The following OTOGL variants were observed in gnomAD, a reference collection of about 807,000 sequenced individuals.
OTOGL encodes the protein otogelin-like protein.
Under a neutral mutation model 318.5 loss-of-function variants are expected in OTOGL, and 285 were observed. The ratio of observed to expected loss-of-function variants is 0.89; its 90% CI spans 0.81 to 0.99. The LOEUF is 0.99. Among genes scored for constraint, OTOGL ranks in the 50% least tolerant of loss-of-function variants. The pLI is 0.00. For synonymous variants in OTOGL, 987 were observed against 936.5 expected (o/e 1.05, Z -0.99); for missense variants, 2,899 against 2,845.6 (o/e 1.02, Z -0.43).
At chr12:80,300,661 C>T (rs963904444) in intron 27 of OTOGL, among the ~76,000 whole-genome samples, 4 of 152,250 alleles carry the variant, frequency 2.6e-5, no homozygotes, top group Non-Finnish European at 5.9e-5. Flanking sequence ...CCAATCTGGC[C>T]CATCTTGAGG....
chr12:80,317,028 A>T (rs1887015053), intron 32 of OTOGL, among the ~76,000 whole-genome samples: 1 of 152,190 alleles, frequency 6.6e-6, no homozygotes, highest in African/African-American at 2.4e-5. Context: ...GTTATTGCTG[A>T]GATTATTTCA....
In OTOGL at chr12:80,103,134, A is replaced by G; in HGVS notation, c.-20+3529A>G. ...CCTGTAAACCTGGACCACTTTGCCA[A>G]TTTGCTGACCTTCGTAGTGTCCTCG... On this transcript the variant is annotated intron_variant, in intron 1 of 58. Coordinates refer to ENST00000547103, the MANE Select transcript of OTOGL (RefSeq NM_001378609.3). 7.8e-6 allele frequency: 9 copies of G among 1,157,910 alleles called. No homozygotes were observed. In the Admixed American group the frequency reaches 1.3e-4, roughly 17 times the overall value. The allele number at this position is 1,157,910 out of a possible 1,614,324, so 71.7% of individuals were successfully genotyped here. A position where few individuals can be genotyped will look rare whatever the true frequency, so the allele number is the denominator to read the frequency against.
At chr12:80,149,380 AG>A (rs1872621593) in intron 1 of OTOGL, among the ~76,000 whole-genome samples, 1 of 140,974 alleles carries the variant, frequency 7.1e-6, no homozygotes. Flanking sequence ...GTCGGGGGCC[AG>A]GGGTCAGGGG....
intron 1 of OTOGL, among the ~76,000 whole-genome samples, chr12:80,186,240 T>C (rs1169402789): frequency 6.6e-6 from 1 of 152,236 alleles, no homozygotes; most frequent in Non-Finnish European, 1.5e-5. Flanking sequence ...CTCTACCATA[T>C]GCCCAGGTCT....
chr12:80,271,729 A>G lies in OTOGL; in HGVS notation c.2600A>G (p.Glu867Gly). 1.2e-6 allele frequency: 2 copies of G among 1,613,090 alleles called. No homozygotes were observed. Among genetic ancestry groups the G allele is most frequent in the Non-Finnish European group, 1.7e-6 (2 of 1,179,410 alleles). Reference sequence around the variant, plus strand: ...TTACCAGCTGGTGGTGTTAATTGTGAGACTACATGTGCAAACCTAGCCATG... The same window carrying G: ...TTACCAGCTGGTGGTGTTAATTGTGGGACTACATGTGCAAACCTAGCCATG... ...PELPAGGVNC[E>G]TTCANLAMNF... The change falls in exon 24 of 59, where the codon GAG (glutamate) becomes GGG (glycine). Residue 867 changes from glutamate (E) to glycine (G), a missense_variant. By Grantham distance (98) the Glu-to-Gly change is moderately conservative. Around this residue, in one of 3 missense-constraint regions of OTOGL, gnomAD observed 2,607 missense variants for 2,524.9 expected, o/e 1.03. Transcript: ENST00000547103.
chr12:80,273,288 C>A (rs532419913), intron 24 of OTOGL, among the ~76,000 whole-genome samples: 1 of 152,186 alleles, frequency 6.6e-6, no homozygotes, highest in South Asian at 2.1e-4. Flanking sequence ...GCCCTGTCTT[C>A]TATGTGACCT....
At chr12:80,315,429 A>G (rs2137810368) in intron 32 of OTOGL, among the ~76,000 whole-genome samples, 1 of 152,308 alleles carries the variant, frequency 6.6e-6, no homozygotes, top group South Asian at 2.1e-4. Flanking sequence ...GAGACAGAGA[A>G]TTACATTTTT....
chr12:80,130,725 G>A (rs1420764327), intron 1 of OTOGL, among the ~76,000 whole-genome samples: 1 of 152,172 alleles, frequency 6.6e-6, no homozygotes, highest in East Asian at 1.9e-4. Flanking sequence ...TTTCTAGGCT[G>A]ATTTGCCAGA....
Position 80,366,620 on chromosome 12 carries a change from G to A in OTOGL, c.6314G>A (p.Cys2105Tyr), listed in dbSNP as rs1271187505. ...CATAACTTCCAGAGTGATTGTGGAT[G>A]CATACAGTATCTCTGTGGTAACTAT... is the stretch of plus-strand genomic sequence containing the variant. ...IDHNFQSDCG[C>Y]IQYLCEKDDV... The change falls in exon 53 of 59, where the codon TGC (cysteine) becomes TAC (tyrosine). Residue 2105 changes from cysteine (C) to tyrosine (Y), a missense_variant. Around this residue, in one of 3 missense-constraint regions of OTOGL, gnomAD observed 289 missense variants for 304.6 expected, o/e 0.95. Coordinates refer to ENST00000547103, the MANE Select transcript of OTOGL (RefSeq NM_001378609.3). 1.4e-6 allele frequency: 2 copies of A among 1,418,566 alleles called. No individual in the cohort carries two copies. The highest frequency in any genetic ancestry group is 1.6e-5 in the South Asian group (1 of 60,766). 87.9% of individuals were successfully genotyped at this position (1,418,566 alleles called of 1,614,324 possible).
chr12:80,322,203 A>G (rs1338244837), intron 34 of OTOGL, among the ~76,000 whole-genome samples: 3 of 152,152 alleles, frequency 2.0e-5, no homozygotes, highest in African/African-American at 7.2e-5. Context: ...TGCTCTTGAG[A>G]AAAGGAACCA....
intron 1 of OTOGL, among the ~76,000 whole-genome samples, chr12:80,180,666 C>A (rs973931469): frequency 2.6e-5 from 4 of 152,158 alleles, no homozygotes; most frequent in Non-Finnish European, 5.9e-5. Flanking sequence ...TCCAAAAGAC[C>A]TAAAAGGTGT....
intron 1 of OTOGL, among the ~76,000 whole-genome samples, chr12:80,193,127 G>A (rs1426398610): frequency 3.3e-5 from 5 of 152,128 alleles, no homozygotes; most frequent in African/African-American, 1.2e-4. Flanking sequence ...TGGAGCAGCA[G>A]GCTTTTTCTT....
chr12:80,278,249 A>G lies in OTOGL; in HGVS notation c.2763A>G (p.Glu921=). Residue 921 remains glutamate (E), a synonymous_variant, in exon 25 of 59, where the codon GAA becomes GAG. Transcript: ENST00000547103. The part of the protein sequence containing the change: ...IWKDWEYLSG[E]VIATPCYTCV... ...AAGATTGGGAGTATCTCTCAGGAGA[A>G]GTGATTGCTACACCGTGTTACACCT... The G allele has an allele frequency of 6.5e-7, 1 of 1,544,518 alleles. No homozygotes were observed. Among genetic ancestry groups the G allele is most frequent in the Non-Finnish European group, 8.8e-7 (1 of 1,142,168 alleles).
At chr12:80,303,293 C>T (rs1209518244) in intron 28 of OTOGL, among the ~76,000 whole-genome samples, 1 of 152,098 alleles carries the variant, frequency 6.6e-6, no homozygotes, top group Non-Finnish European at 1.5e-5. Context: ...GTAGCTGGGA[C>T]TACAGGCGCC....
At chr12:80,167,286 A>G (rs1285455100) in intron 1 of OTOGL, among the ~76,000 whole-genome samples, 3 of 152,114 alleles carry the variant, frequency 2.0e-5, no homozygotes, top group African/African-American at 7.2e-5. Context: ...TTCTCCAAAG[A>G]CAGTTGAGGG....
chr12:80,358,746 CT>C lies in OTOGL; in HGVS notation c.6198del (p.Gly2067ValfsTer29). 6.2e-7 allele frequency: 1 copy of C among 1,611,918 alleles called. No individual in the cohort carries two copies. Among genetic ancestry groups the C allele is most frequent in the Non-Finnish European group, 8.5e-7 (1 of 1,178,338 alleles). ...EDMNLVKENV[S>X]GQCCPTWHCE... ...ATGAATCTTGTGAAAGAAAATGTAT[CT>C]GGTCAATGTTGCCCAACATGGCACT... is the stretch of plus-strand genomic sequence containing the variant. On this transcript the variant is annotated frameshift_variant, in exon 51 of 59. Transcript: ENST00000547103. LOFTEE classifies it high-confidence loss of function.
intron 11 of OTOGL, among the ~76,000 whole-genome samples, chr12:80,249,905 T>C (rs1881348662): frequency 6.6e-6 from 1 of 152,098 alleles, no homozygotes; most frequent in Non-Finnish European, 1.5e-5. Context: ...TGCGCAATAT[T>C]CGGGTGGGAG....
chr12:80,351,627 A>C (rs1184543339), intron 44 of OTOGL, among the ~76,000 whole-genome samples: 1 of 152,162 alleles, frequency 6.6e-6, no homozygotes, highest in African/African-American at 2.4e-5. Flanking sequence ...TGGACTATGA[A>C]AAAATACTAT....
At chr12:80,338,949 GAA>G in intron 42 of OTOGL, 124 bp from the exon 43 acceptor site, 1 of 807,584 alleles carries the variant, frequency 1.2e-6, no homozygotes, top group African/African-American at 1.8e-5. Context: ...GCAGCAGTAA[GAA>G]ATACATTTCT....
Sources: gnomAD v4.1 joint callset for allele counts (sites outside exome capture counted in the v4.1 genomes callset) on GRCh38, gnomAD v4.1.1 for gene constraint, gnomAD v4.1.1 regional missense constraint, MANE v1.5 for transcripts, NCBI Gene and HGNC (gene_info 2026-07-23, HGNC 2026-07-21) for gene names.